Variants in DDB1 observed in about 807,000 individuals in gnomAD.
The protein encoded by DDB1 is DNA damage-binding protein 1.
In DDB1, 18 loss-of-function variants were observed where a neutral mutation model predicts 133.1. The ratio of observed to expected loss-of-function variants is 0.14; its 90% CI spans 0.09 to 0.20. DDB1 has a LOEUF of 0.20. Ranked by LOEUF, DDB1 falls within the 10% of genes least tolerant of loss-of-function variation. DDB1 has a pLI of 1.00. For synonymous variants in DDB1, 580 were observed against 550.5 expected (o/e 1.05, Z -0.75); for missense variants, 828 against 1,459.2 (o/e 0.57, Z 7.05).
intron 10 of DDB1, among the ~76,000 whole-genome samples, chr11:61,317,005 G>A (rs1167994257): frequency 7.5e-5 from 7 of 93,364 alleles, no homozygotes; most frequent in African/African-American, 1.6e-4. Context: ...ATATAGACAT[G>A]GCAGCCTGAC....
chr11:61,331,985 T>A, intron 1 of DDB1: 1 of 298,596 alleles, frequency 3.3e-6, no homozygotes, highest in East Asian at 5.9e-5. Flanking sequence ...CTCTTGCCCC[T>A]CCAATTTTAC....
chr11:61,321,514 C>G, intron 10 of DDB1, 81 bp downstream of exon 10: 1 of 1,303,584 alleles, frequency 7.7e-7, no homozygotes, highest in Non-Finnish European at 1.1e-6. Flanking sequence ...CTCTGGCTCC[C>G]ACCAAAACGC....
chr11:61,300,695 G>A (rs1855778571), intron 26 of DDB1, 114 bp downstream of exon 26: 1 of 1,495,358 alleles, frequency 6.7e-7, no homozygotes, highest in Non-Finnish European at 9.1e-7. Context: ...GGATTACACA[G>A]AGGTCCCCTC....
Position 61,329,382 on chromosome 11 carries a change from G to A in DDB1, c.530C>T (p.Thr177Ile). The A allele has an allele frequency of 6.2e-7, 1 of 1,614,204 alleles. No individual in the cohort carries two copies. The highest frequency in any genetic ancestry group is 8.5e-7 in the Non-Finnish European group (1 of 1,180,026). ...CAGTACCTGGTAGACAAAGCAAATA[G>A]TAGGTGCTTGGCAACCATATAGGAA... Reference protein sequence around the residue: ...VKFLYGCQAPTICFVYQDPQG... With the variant: ...VKFLYGCQAPIICFVYQDPQG... The change falls in exon 4 of 27, where the codon ACT (threonine) becomes ATT (isoleucine). Residue 177 changes from threonine to isoleucine, a missense_variant. Around this residue, in one of 7 missense-constraint regions of DDB1, gnomAD observed 210 missense variants for 344.8 expected, o/e 0.61. Coordinates refer to ENST00000301764, the MANE Select transcript of DDB1 (RefSeq NM_001923.5).
rs28720296 is a variant in DDB1 at position 61,319,568 on chromosome 11, A to G, written c.1225+2027T>C. ...TGCCTCAGCCTCCCGAGTAGCTGGG[A>G]CTACAGGCACGCGCCACCACCCCCG... is the stretch of plus-strand genomic sequence containing the variant. On this transcript the variant is annotated intron_variant, in intron 10 of 26. Coordinates refer to ENST00000301764, the MANE Select transcript of DDB1 (RefSeq NM_001923.5). Among the ~76,000 whole-genome samples, 488 of 151,964 alleles carry G rather than the reference A, an allele frequency of 3.2e-3. 5 individuals are homozygous for G. Among genetic ancestry groups the G allele is most frequent in the African/African-American group, 0.011 (447 of 41,418 alleles).
chr11:61,314,188 C>G lies in DDB1; in HGVS notation c.1612G>C (p.Val538Leu). 1 of 1,607,984 alleles carries G rather than the reference C, an allele frequency of 6.2e-7. No individual in the cohort carries two copies. The highest frequency in any genetic ancestry group is 2.2e-5 in the East Asian group (1 of 44,834). ...AATGGGGTGATGTCCAAGCAAGCCACTTCATGTTCCATCTCTGTGTGGCTG... is the reference window on the plus strand; with the variant it reads ...AATGGGGTGATGTCCAAGCAAGCCAGTTCATGTTCCATCTCTGTGTGGCTG... The part of the protein sequence containing the change: ...QISHTEMEHE[V>L]ACLDITPLGD... The change falls in exon 14 of 27, where the codon GTG becomes CTG. Residue 538 changes from valine to leucine, a missense_variant. Val to Leu is a conservative substitution (Grantham distance 32, BLOSUM62 1). Around this residue, in one of 7 missense-constraint regions of DDB1, gnomAD observed 396 missense variants for 554.1 expected, o/e 0.71. Coordinates refer to ENST00000301764, the MANE Select transcript of DDB1 (RefSeq NM_001923.5).
chr11:61,311,380 AAACATAACAT>A (rs761492190), intron 18 of DDB1: 70 of 180,530 alleles, frequency 3.9e-4, no homozygotes, highest in African/African-American at 1.1e-3. Flanking sequence ...ACATAACATA[AAACATAACAT>A]AACATAACAT....
At chr11:61,312,303 C>G (rs1339027355) in intron 16 of DDB1, among the ~76,000 whole-genome samples, 1 of 152,124 alleles carries the variant, frequency 6.6e-6, no homozygotes, top group Non-Finnish European at 1.5e-5. Context: ...TTTTTAACAG[C>G]TTTCCATTTA....
intron 6 of DDB1, 163 bp from the exon 7 acceptor site, chr11:61,324,300 T>C: frequency 1.5e-6 from 1 of 677,270 alleles, no homozygotes; most frequent in Admixed American, 3.0e-5. Flanking sequence ...TGCCCATTAA[T>C]AGAAAATGGG....
Position 61,313,979 on chromosome 11 carries a change from A to C in DDB1, c.1754-10T>G. ...GAGCGAGGAATGATCTCTGTGAGAA[A>C]GGGGGACATTATGTTCTTGTTCCAC... On this transcript the variant is annotated splice_polypyrimidine_tract_variant and intron_variant, in intron 14 of 26. Coordinates refer to ENST00000301764, the MANE Select transcript of DDB1 (RefSeq NM_001923.5). The C allele has an allele frequency of 6.2e-7, 1 of 1,614,188 alleles. No homozygotes were observed. The highest frequency in any genetic ancestry group is 8.5e-7 in the Non-Finnish European group (1 of 1,180,034).
intron 2 of DDB1, among the ~76,000 whole-genome samples, chr11:61,330,672 T>G (rs1856352619): frequency 6.6e-6 from 1 of 152,046 alleles, no homozygotes; most frequent in African/African-American, 2.4e-5. Flanking sequence ...GTTTGGTGTT[T>G]TTTTTTTTGG....
intron 6 of DDB1, 79 bp downstream of exon 6, chr11:61,325,532 A>G (rs1856254835): frequency 1.6e-6 from 2 of 1,214,034 alleles, no homozygotes; most frequent in Admixed American, 4.3e-5. Flanking sequence ...TCTCCTTTTG[A>G]TAAATAAGAG....
chr11:61,332,943 G>A lies in DDB1; in HGVS notation c.26C>T (p.Ala9Val). The A allele has an allele frequency of 6.6e-7, 1 of 1,517,688 alleles. No individual in the cohort carries two copies. The highest frequency in any genetic ancestry group is 1.4e-5 in the African/African-American group (1 of 70,284). 94.0% of individuals were successfully genotyped at this position (1,517,688 alleles called of 1,614,324 possible). A position where few individuals can be genotyped will look rare whatever the true frequency, so the allele number is the denominator to read the frequency against. The change falls in exon 1 of 27, where the codon GCC (alanine) becomes GTC (valine). Residue 9 changes from alanine (A) to valine (V), a missense_variant. Physicochemically the swap from Ala to Val is moderately conservative, Grantham distance 64. Transcript: ENST00000301764. MSYNYVVTAQKPTAVNGCV... is the reference protein window; with the variant it reads MSYNYVVTVQKPTAVNGCV... ...GCCGTTCACGGCGGTGGGCTTCTGG[G>A]CCGTTACCACGTAGTTGTACGACAT...
chr11:61,323,803 C>T (rs1430648789), intron 7 of DDB1, 176 bp downstream of exon 7: 1 of 634,526 alleles, frequency 1.6e-6, no homozygotes, highest in Admixed American at 2.9e-5. Context: ...ATCACAGGAT[C>T]CTGTGAGATG....
chr11:61,315,896 G>A (rs1045073128), intron 12 of DDB1: 3 of 161,366 alleles, frequency 1.9e-5, no homozygotes, highest in African/African-American at 7.2e-5. Flanking sequence ...CTTTTTTTGT[G>A]CATTTTGGCA....
chr11:61,328,342 C>T (rs186726449), intron 4 of DDB1, among the ~76,000 whole-genome samples: 1 of 152,302 alleles, frequency 6.6e-6, no homozygotes, highest in East Asian at 1.9e-4. Context: ...TGTTTATGTG[C>T]CAACACACTC....
intron 18 of DDB1, chr11:61,310,650 A>G: frequency 2.5e-6 from 1 of 398,010 alleles, no homozygotes; most frequent in East Asian, 4.3e-5. Context: ...GTGATGCTTC[A>G]AGTCAATCAA....
chr11:61,323,830 A>C, intron 7 of DDB1, 149 bp downstream of exon 7: 1 of 816,108 alleles, frequency 1.2e-6, no homozygotes, highest in Non-Finnish European at 2.0e-6. Context: ...TACCTAACTC[A>C]TTCAACAGTC....
At chr11:61,323,616 T>C (rs540542394) in intron 7 of DDB1, 1 of 253,398 alleles carries the variant, frequency 3.9e-6, no homozygotes, top group East Asian at 9.1e-5. Context: ...TTTTGCCATA[T>C]TGCCCAGGCT....
Sources: allele counts gnomAD v4.1 joint callset (sites outside exome capture counted in the v4.1 genomes callset), GRCh38; gene constraint gnomAD v4.1.1; regional missense constraint gnomAD v4.1.1; transcripts MANE v1.5; gene names NCBI Gene and HGNC (gene_info 2026-07-23, HGNC 2026-07-21).